Variants in SH3GL3 observed in about 807,000 individuals in gnomAD.
The protein encoded by SH3GL3 is SH3 domain containing GRB2 like 3, endophilin A3, also known as endophilin-A3.
Under a neutral mutation model 47.7 loss-of-function variants are expected in SH3GL3, and 33 were observed. The observed-to-expected ratio is 0.69, with a 90% confidence interval of 0.52 to 0.92. The LOEUF (loss-of-function observed/expected upper bound fraction) is 0.92, where lower values mean the gene tolerates loss of function less well. Ranked by LOEUF, SH3GL3 falls within the 40% of genes least tolerant of loss-of-function variation. The probability of loss-of-function intolerance (pLI) is 0.00; values close to 1 mark genes in which losing one functional copy is unlikely to be tolerated. For missense variants in SH3GL3, 363 were observed against 417.8 expected (o/e 0.87, Z 1.14); for synonymous variants, 155 against 148.8 (o/e 1.04, Z -0.30).
intron 4 of SH3GL3, among the ~76,000 whole-genome samples, chr15:83,571,602 G>A (rs2045819073): frequency 6.6e-6 from 1 of 151,668 alleles, no homozygotes; most frequent in Admixed American, 6.6e-5. Context: ...GGGAGGTGAG[G>A]CACATGTTGC....
intron 1 of SH3GL3, among the ~76,000 whole-genome samples, chr15:83,515,283 T>C (rs1359894039): frequency 6.6e-6 from 1 of 152,192 alleles, no homozygotes; most frequent in Non-Finnish European, 1.5e-5. Flanking sequence ...TTTCAAAGAA[T>C]TGTCCTCTGG....
At chr15:83,540,656 G>A (rs191739683) in intron 1 of SH3GL3, among the ~76,000 whole-genome samples, 62 of 152,096 alleles carry the variant, frequency 4.1e-4, no homozygotes, top group African/African-American at 1.3e-3. Flanking sequence ...ACATAGAGGC[G>A]TAAGTATTTA....
rs1567228414 is a variant in SH3GL3, at chr15:83,448,481, T to TGTGTGTGTGTGTGTGTGTG, written c.45+903_45+904insGTGTGTGTGTGTGTGTGTG. The stretch of plus-strand genomic sequence containing the variant: ...GTGTGTGTGTGTGTGTGTGTGTGTG[T>TGTGTGTGTGTGTGTGTGTG]TGATGACAAGCAAATTTGTTTTTCA... On this transcript the variant is annotated intron_variant, in intron 1 of 8. Coordinates refer to ENST00000427482, the MANE Select transcript of SH3GL3 (RefSeq NM_003027.5). This position sits in a 1 kb window ranked among gnomAD's most constrained non-coding sequence, Gnocchi z 4.2. Among the ~76,000 whole-genome samples, 6 of 145,830 alleles carry TGTGTGTGTGTGTGTGTGTG rather than the reference T, an allele frequency of 4.1e-5. No individual in the cohort carries two copies. The highest frequency in any genetic ancestry group is 1.3e-4 in the African/African-American group (5 of 39,440).
At chr15:83,496,317 C>T (rs1003641026) in intron 1 of SH3GL3, among the ~76,000 whole-genome samples, 3 of 149,032 alleles carry the variant, frequency 2.0e-5, no homozygotes, top group Admixed American at 6.7e-5. Flanking sequence ...TGAGATTGTG[C>T]CACTGCACTC....
the SH3GL3 span, among the ~76,000 whole-genome samples, chr15:83,628,979 T>C: frequency 7.3e-4 from 111 of 152,226 alleles, 1 homozygote; most frequent in African/African-American, 2.6e-3. Context: ...ATATTAAAAC[T>C]ATAAAAAGCA....
intron 6 of SH3GL3, among the ~76,000 whole-genome samples, chr15:83,582,373 A>G (rs144646893): frequency 3.3e-5 from 5 of 152,278 alleles, no homozygotes; most frequent in African/African-American, 1.2e-4. Context: ...ACTAGATTCC[A>G]GATTCCTGAG....
chr15:83,610,980 A>AAAAT (rs71453206), intron 8 of SH3GL3, among the ~76,000 whole-genome samples: 12,870 of 146,994 alleles, frequency 0.088, 642 homozygotes, highest in Non-Finnish European at 0.11. Flanking sequence ...TCAGCCAAAA[A>AAAAT]ATATATATAT....
At chr15:83,549,815 G>T (rs943707467) in intron 1 of SH3GL3, among the ~76,000 whole-genome samples, 8 of 152,146 alleles carry the variant, frequency 5.3e-5, no homozygotes, top group Non-Finnish European at 1.2e-4. Flanking sequence ...ACACAACCTA[G>T]TAAGACTGCT....
At position 83,490,816 on chromosome 15, in the gene SH3GL3, A is replaced by G. The variant is rs1385857791; in HGVS notation, c.45+43238A>G. 1.9e-6 allele frequency: 3 copies of G among 1,614,134 alleles called. No individual in the cohort carries two copies. The South Asian group carries it at 3.3e-5, about 18-fold the overall frequency. ...TGTCATAAACATTGAGGACTCTCTT[A>G]AATCAGAAGATGAATGAATGGATGG... On this transcript the variant is annotated intron_variant, in intron 1 of 8. Coordinates refer to ENST00000427482, the MANE Select transcript of SH3GL3 (RefSeq NM_003027.5).
intron 1 of SH3GL3, among the ~76,000 whole-genome samples, chr15:83,533,308 G>T (rs1472265344): frequency 6.6e-6 from 1 of 152,182 alleles, no homozygotes; most frequent in Non-Finnish European, 1.5e-5. Flanking sequence ...GATTGAAGAT[G>T]CACCGGAGCT....
chr15:83,494,876 T>C (rs2042019867), intron 1 of SH3GL3, among the ~76,000 whole-genome samples: 1 of 150,488 alleles, frequency 6.6e-6, no homozygotes, highest in Admixed American at 6.6e-5. Flanking sequence ...GTTTCCAACC[T>C]GATTGACAGT....
At chr15:83,489,517 C>T (rs2041767856) in intron 1 of SH3GL3, among the ~76,000 whole-genome samples, 1 of 152,184 alleles carries the variant, frequency 6.6e-6, no homozygotes, top group Non-Finnish European at 1.5e-5. Flanking sequence ...CAGCATTTGA[C>T]AGCCCAAGGG....
At chr15:83,533,152 C>T (rs1025012045) in intron 1 of SH3GL3, among the ~76,000 whole-genome samples, 5 of 152,128 alleles carry the variant, frequency 3.3e-5, no homozygotes, top group South Asian at 2.1e-4. Context: ...GGGGACAGTC[C>T]ATGTCTATGA....
At chr15:83,599,991 T>C (rs888262442) in intron 8 of SH3GL3, among the ~76,000 whole-genome samples, 1 of 152,198 alleles carries the variant, frequency 6.6e-6, no homozygotes, top group Non-Finnish European at 1.5e-5. Flanking sequence ...TATATCTTCT[T>C]TTGAGAATTG....
At chr15:83,516,083 G>A (rs1289808066) in intron 1 of SH3GL3, among the ~76,000 whole-genome samples, 1 of 144,528 alleles carries the variant, frequency 6.9e-6, no homozygotes, top group Non-Finnish European at 1.5e-5. Flanking sequence ...TAAAGTCAGT[G>A]TAGTAATAGG....
chr15:83,566,266 C>A lies in SH3GL3; in HGVS notation c.187+1060C>A, dbSNP rs2732154. ...ATTCCTAGAGAAGAGGCAGCCCTAG[C>A]AACCTCTTATCCAGTTTAATGGCTC... On this transcript the variant is annotated intron_variant, in intron 3 of 8. Transcript: ENST00000427482. Among the ~76,000 whole-genome samples the A allele has an allele frequency of 2.8e-3, 425 of 152,208 alleles. 1 individual carries two copies. Among genetic ancestry groups the A allele is most frequent in the Non-Finnish European group, 4.3e-3 (291 of 68,008 alleles).
At position 83,471,374 on chromosome 15, in the gene SH3GL3, G is replaced by A. The variant is rs185041699; in HGVS notation, c.45+23796G>A. Among the ~76,000 whole-genome samples the A allele has an allele frequency of 3.3e-5, 5 of 152,284 alleles. No homozygotes were observed. The East Asian group carries it at 9.6e-4, about 29-fold the overall frequency. ...AGCAGGAGGTTATTACCTTGAGGCT[G>A]TTTTCATTCTTTGAGTTTCTACCTA... On this transcript the variant is annotated intron_variant, in intron 1 of 8. Coordinates refer to ENST00000427482, the MANE Select transcript of SH3GL3 (RefSeq NM_003027.5).
chr15:83,623,041 T>C (rs1472731431), downstream of SH3GL3, among the ~76,000 whole-genome samples: 1 of 152,234 alleles, frequency 6.6e-6, no homozygotes, highest in East Asian at 1.9e-4. Context: ...AGTTTGTTTA[T>C]CCTCTGCTAT....
intron 4 of SH3GL3, among the ~76,000 whole-genome samples, chr15:83,571,653 C>T (rs542750355): frequency 6.6e-6 from 1 of 152,156 alleles, no homozygotes; most frequent in East Asian, 1.9e-4. Flanking sequence ...CATGCCCTCA[C>T]CTGGTGGGTG....
Sources: gnomAD v4.1 joint callset for allele counts (sites outside exome capture counted in the v4.1 genomes callset) on GRCh38, gnomAD v4.1.1 for gene constraint, Gnocchi (gnomAD v3.1) non-coding constraint, MANE v1.5 for transcripts, NCBI Gene and HGNC (gene_info 2026-07-23, HGNC 2026-07-21) for gene names.